PRUNE2: variants seen among roughly 807,000 people sequenced by gnomAD.
The protein encoded by PRUNE2 is protein prune homolog 2.
In PRUNE2, 164 loss-of-function variants were observed where a neutral mutation model predicts 252.0. The ratio of observed to expected loss-of-function variants is 0.65; its 90% CI spans 0.57 to 0.74. PRUNE2 has a LOEUF of 0.74. Ranked by LOEUF, PRUNE2 falls within the 30% of genes least tolerant of loss-of-function variation. The probability of loss-of-function intolerance (pLI) is 0.00; values close to 1 mark genes in which losing one functional copy is unlikely to be tolerated. For synonymous variants in PRUNE2, 1,292 were observed against 1,350.2 expected, an observed-to-expected ratio of 0.96 and a Z score of 0.94; for missense variants, 3,495 against 3,711.0, an observed-to-expected ratio of 0.94 and a Z score of 1.51.
chr9:76,734,189 G>A (rs1436933880), intron 6 of PRUNE2, among the ~76,000 whole-genome samples: 1 of 152,138 alleles, frequency 6.6e-6, no homozygotes, highest in Admixed American at 6.5e-5. Flanking sequence ...CCCTCCTTCT[G>A]TGGAAAGGAG....
intron 3 of PRUNE2, among the ~76,000 whole-genome samples, chr9:76,849,264 T>C (rs1180335914): frequency 1.3e-5 from 2 of 152,172 alleles, no homozygotes; most frequent in East Asian, 3.9e-4. Flanking sequence ...AAGTTTCTTG[T>C]CCGTAAAATA....
chr9:76,905,807 A>T, intron 1 of PRUNE2, 121 bp downstream of exon 1: 1 of 1,286,242 alleles, frequency 7.8e-7, no homozygotes, highest in Non-Finnish European at 1.1e-6. Flanking sequence ...GACAACCCGC[A>T]CACCCTGATA....
At chr9:76,627,402 C>T (rs915424878) in intron 16 of PRUNE2, among the ~76,000 whole-genome samples, 12 of 152,000 alleles carry the variant, frequency 7.9e-5, no homozygotes, top group African/African-American at 2.7e-4. Flanking sequence ...GTGAGGCATC[C>T]CTCTCTGCCT....
chr9:76,736,701 G>A (rs1008999879), intron 6 of PRUNE2: 5 of 152,180 alleles, frequency 3.3e-5, no homozygotes, highest in African/African-American at 1.2e-4. Context: ...ACCTCCCAAA[G>A]GCTCCACTTC....
chr9:76,687,623 C>A, intron 9 of PRUNE2: 1 of 421,728 alleles, frequency 2.4e-6, no homozygotes. Flanking sequence ...CTTTCTGATA[C>A]TCACTGTTTG....
chr9:76,750,881 C>G (rs2050552092), intron 6 of PRUNE2, among the ~76,000 whole-genome samples: 1 of 152,134 alleles, frequency 6.6e-6, no homozygotes. Flanking sequence ...GTTGCTAATG[C>G]AAACCTAAAG....
At chr9:76,623,381 G>A (rs1833226372) in intron 17 of PRUNE2, among the ~76,000 whole-genome samples, 2 of 150,684 alleles carry the variant, frequency 1.3e-5, no homozygotes, top group South Asian at 2.1e-4. Context: ...TGCAATCTCC[G>A]CCTCCCAGGT....
Position 76,655,479 on chromosome 9 carries a change from A to C in PRUNE2, c.8300T>G (p.Met2767Arg). The C allele has an allele frequency of 1.2e-6, 2 of 1,612,840 alleles. No individual in the cohort carries two copies. The highest frequency in any genetic ancestry group is 8.5e-7 in the Non-Finnish European group (1 of 1,179,402). Residue 2767 changes from methionine to arginine, a missense_variant, in exon 10 of 19, where the codon ATG becomes AGG. Transcript: ENST00000376718. ...PNGLLSEDVG[M>R]DIPFEEGVLS... is the part of the protein sequence containing the mutation. ...CACGCCCTCTTCAAAGGGGATGTCCATTCCTACATCCTCTGACAGTAGTCT... is the reference window on the plus strand; with the variant it reads ...CACGCCCTCTTCAAAGGGGATGTCCCTTCCTACATCCTCTGACAGTAGTCT...
chr9:76,896,067 G>A (rs1217049679), intron 1 of PRUNE2, among the ~76,000 whole-genome samples: 4 of 152,218 alleles, frequency 2.6e-5, no homozygotes, highest in African/African-American at 7.2e-5. Flanking sequence ...GAGCCACCAC[G>A]CCTGCCATCA....
chr9:76,664,192 G>C (rs552921754), intron 9 of PRUNE2, among the ~76,000 whole-genome samples: 1 of 152,204 alleles, frequency 6.6e-6, no homozygotes, highest in South Asian at 2.1e-4. Context: ...AAAGCACTGT[G>C]TGCTTTGTTC....
chr9:76,676,076 C>A (rs148382268), intron 9 of PRUNE2, among the ~76,000 whole-genome samples: 2,395 of 17,088 alleles, frequency 0.14, 70 homozygotes, highest in African/African-American at 0.21. Context: ...AAAAAAAAAA[C>A]CAAAAACAAA....
intron 4 of PRUNE2, among the ~76,000 whole-genome samples, chr9:76,841,958 A>G (rs2059416591): frequency 6.6e-6 from 1 of 152,174 alleles, no homozygotes; most frequent in Non-Finnish European, 1.5e-5. Flanking sequence ...GAAGAAAGCT[A>G]CCACTGACTT....
At chr9:76,815,840 T>C (rs2131822727) in intron 6 of PRUNE2, among the ~76,000 whole-genome samples, 1 of 152,236 alleles carries the variant, frequency 6.6e-6, no homozygotes, top group African/African-American at 2.4e-5. Flanking sequence ...TCAAGTTGTC[T>C]CCAACTTGAG....
At chr9:76,825,801 G>C (rs1418904192) in intron 5 of PRUNE2, among the ~76,000 whole-genome samples, 1 of 152,150 alleles carries the variant, frequency 6.6e-6, no homozygotes, top group African/African-American at 2.4e-5. Context: ...GGTATCCAGT[G>C]AATTATAGCC....
chr9:76,809,963 A>G (rs1349317854), intron 6 of PRUNE2, among the ~76,000 whole-genome samples: 2 of 152,190 alleles, frequency 1.3e-5, no homozygotes, highest in Non-Finnish European at 2.9e-5. Flanking sequence ...GTCAATGACT[A>G]TAGTGTAGGT....
At chr9:76,622,684 A>G (rs891070146) in intron 17 of PRUNE2, among the ~76,000 whole-genome samples, 4 of 152,230 alleles carry the variant, frequency 2.6e-5, no homozygotes, top group Non-Finnish European at 2.9e-5. Flanking sequence ...AAGGGATGTT[A>G]CACCAACACT....
chr9:76,772,290 G>T (rs898629445), intron 6 of PRUNE2, among the ~76,000 whole-genome samples: 6 of 152,068 alleles, frequency 3.9e-5, no homozygotes, highest in Admixed American at 1.3e-4. Flanking sequence ...CTTTCTCAGG[G>T]ATGGACTCTT....
At chr9:76,802,394 G>C (rs112327543) in intron 6 of PRUNE2, among the ~76,000 whole-genome samples, 5 of 152,084 alleles carry the variant, frequency 3.3e-5, no homozygotes, top group African/African-American at 1.2e-4. Context: ...ATGTTCCTTA[G>C]ACATAAGGTA....
intron 6 of PRUNE2, among the ~76,000 whole-genome samples, chr9:76,750,652 A>C (rs748578229): frequency 3.3e-5 from 5 of 152,160 alleles, no homozygotes; most frequent in Non-Finnish European, 5.9e-5. Flanking sequence ...ACAAGAGTCC[A>C]TGGGCTAGTC....
Sources: allele counts gnomAD v4.1 joint callset (sites outside exome capture counted in the v4.1 genomes callset), GRCh38; gene constraint gnomAD v4.1.1; transcripts MANE v1.5; gene names NCBI Gene and HGNC (gene_info 2026-07-23, HGNC 2026-07-21).